Variants in DLGAP1 observed in about 807,000 individuals in gnomAD.
DLGAP1 encodes the protein disks large-associated protein 1.
DLGAP1 carries 11 observed loss-of-function variants against 90.8 expected under a neutral mutation model. The observed-to-expected ratio is 0.12, with a 90% confidence interval of 0.08 to 0.20. DLGAP1 has a LOEUF of 0.20. Among genes scored for constraint, DLGAP1 ranks in the 10% least tolerant of loss-of-function variants. The pLI, the probability that DLGAP1 is intolerant of heterozygous loss-of-function variation, is 1.00. For synonymous variants in DLGAP1, 558 were observed against 540.7 expected (o/e 1.03, Z -0.44); for missense variants, 1,050 against 1,333.8 (o/e 0.79, Z 3.31).
chr18:3,789,451 A>G (rs536860835), intron 5 of DLGAP1, among the ~76,000 whole-genome samples: 1 of 152,358 alleles, frequency 6.6e-6, no homozygotes, highest in African/African-American at 2.4e-5. Context: ...TTTGGGGGTT[A>G]AAGTCAAGCA....
At chr18:4,437,978 G>A (rs1172738055) in intron 1 of DLGAP1, among the ~76,000 whole-genome samples, 1 of 152,148 alleles carries the variant, frequency 6.6e-6, no homozygotes, top group Non-Finnish European at 1.5e-5. Context: ...ACTTAATATA[G>A]TTGGAGGTTA....
intron 1 of DLGAP1, among the ~76,000 whole-genome samples, chr18:4,279,553 T>G (rs2079501029): frequency 2.6e-5 from 4 of 152,212 alleles, no homozygotes; most frequent in African/African-American, 9.6e-5. Context: ...TTCAAAGCTG[T>G]AGGTAAAACA....
At chr18:3,928,089 C>T (rs925004780) in intron 3 of DLGAP1, among the ~76,000 whole-genome samples, 14 of 152,190 alleles carry the variant, frequency 9.2e-5, no homozygotes, top group African/African-American at 2.7e-4. Context: ...TTCCTCCGCT[C>T]GCCATCCACA....
At chr18:4,139,891 T>A (rs1281094391) in intron 2 of DLGAP1, among the ~76,000 whole-genome samples, 1 of 151,990 alleles carries the variant, frequency 6.6e-6, no homozygotes, top group East Asian at 1.9e-4. Flanking sequence ...TAGAGCTTTT[T>A]GTCTTGAAAG....
intron 5 of DLGAP1, among the ~76,000 whole-genome samples, chr18:3,743,656 T>G (rs143558065): frequency 0.061 from 9,207 of 151,546 alleles, 909 homozygotes; most frequent in African/African-American, 0.2. Context: ...GCCCGGCCTT[T>G]ATTTTAATTT....
At chr18:4,239,489 C>A (rs1055291268) in intron 1 of DLGAP1, among the ~76,000 whole-genome samples, 1 of 152,052 alleles carries the variant, frequency 6.6e-6, no homozygotes, top group African/African-American at 2.4e-5. Context: ...TAGTTATGTA[C>A]TCAGAAGGTC....
chr18:3,815,622 T>C (rs1402758372), intron 4 of DLGAP1, among the ~76,000 whole-genome samples: 1 of 152,162 alleles, frequency 6.6e-6, no homozygotes, highest in Non-Finnish European at 1.5e-5. Context: ...TCCACAGTCA[T>C]TTTTTCTGAG....
chr18:4,258,521 G>T (rs1456377552), intron 1 of DLGAP1, among the ~76,000 whole-genome samples: 1 of 150,074 alleles, frequency 6.7e-6, no homozygotes, highest in Admixed American at 6.6e-5. Context: ...GTGCTTATGT[G>T]AAAAATACAA....
At chr18:3,634,478 A>G (rs1449844437) in intron 7 of DLGAP1, among the ~76,000 whole-genome samples, 1 of 152,134 alleles carries the variant, frequency 6.6e-6, no homozygotes, top group Admixed American at 6.6e-5. Flanking sequence ...TCACTGGTTG[A>G]TCATCTTGCT....
At chr18:4,032,476 T>C (rs1263543088) in intron 2 of DLGAP1, among the ~76,000 whole-genome samples, 1 of 152,216 alleles carries the variant, frequency 6.6e-6, no homozygotes, top group Non-Finnish European at 1.5e-5. Flanking sequence ...ATAACAAAGC[T>C]AAGTCCAGGT....
At position 3,499,353 on chromosome 18, in the gene DLGAP1, C is replaced by T; in HGVS notation, c.2766G>A (p.Lys922=). ...GCTCCCGGATCAGCGGCGCGGGGCC[C>T]TTCGCCGGCTTCTTTGGCACTGGAG... The part of the protein sequence containing the change: ...APPPVPKKPA[K]GPAPLIRERS... The change falls in exon 13 of 13, where the codon AAG becomes AAA. Residue 922 remains lysine, a synonymous_variant. Transcript: ENST00000315677. The surrounding 1 kb of genome is among the most constrained non-coding windows in gnomAD (Gnocchi z 6.4). 6.4e-7 allele frequency: 1 copy of T among 1,552,730 alleles called. No homozygotes were observed. Among genetic ancestry groups the T allele is most frequent in the Non-Finnish European group, 8.7e-7 (1 of 1,148,834 alleles).
At chr18:4,229,390 C>G (rs996712239) in intron 1 of DLGAP1, among the ~76,000 whole-genome samples, 14 of 151,956 alleles carry the variant, frequency 9.2e-5, no homozygotes, top group Admixed American at 9.2e-4. Flanking sequence ...GCAAAAGGAA[C>G]AAAACTGGAA....
At chr18:3,503,290 G>A (rs2050043284) in intron 11 of DLGAP1, among the ~76,000 whole-genome samples, 1 of 152,188 alleles carries the variant, frequency 6.6e-6, no homozygotes, top group Non-Finnish European at 1.5e-5. Context: ...TATAGCAAAT[G>A]TGAGAACACA....
chr18:4,368,616 A>ATC (rs1344478475), intron 1 of DLGAP1, among the ~76,000 whole-genome samples: 2 of 132,776 alleles, frequency 1.5e-5, no homozygotes, highest in African/African-American at 2.9e-5. Flanking sequence ...ATTCTTTAAA[A>ATC]TCTCTCTCTC....
intron 1 of DLGAP1, among the ~76,000 whole-genome samples, chr18:4,197,127 C>T (rs1389909820): frequency 5.0e-5 from 7 of 141,328 alleles, no homozygotes; most frequent in Admixed American, 1.5e-4. Flanking sequence ...GAGCTGAGAT[C>T]GTGCCATTGC....
intron 1 of DLGAP1, among the ~76,000 whole-genome samples, chr18:4,230,578 T>TA (rs1024117300): frequency 6.6e-6 from 1 of 151,544 alleles, no homozygotes; most frequent in African/African-American, 2.4e-5. Context: ...GAGCTAAAAT[T>TA]AAAACACTTG....
intron 7 of DLGAP1, among the ~76,000 whole-genome samples, chr18:3,627,514 C>T (rs1044292349): frequency 2.6e-5 from 4 of 151,962 alleles, no homozygotes; most frequent in Non-Finnish European, 4.4e-5. Flanking sequence ...CAGTCCTACA[C>T]GCTATCCGGA....
At chr18:3,733,624 C>A (rs1383484255) in intron 6 of DLGAP1, among the ~76,000 whole-genome samples, 2 of 152,088 alleles carry the variant, frequency 1.3e-5, no homozygotes, top group South Asian at 2.1e-4. Context: ...GGGATGTAAT[C>A]CCGTTGTAAG....
chr18:4,233,130 CAT>C (rs1441464513), intron 1 of DLGAP1, among the ~76,000 whole-genome samples: 2 of 152,212 alleles, frequency 1.3e-5, no homozygotes, highest in African/African-American at 2.4e-5. Context: ...TAACATTCTA[CAT>C]GATCAAATCA....
Sources: allele counts gnomAD v4.1 joint callset (sites outside exome capture counted in the v4.1 genomes callset), GRCh38; gene constraint gnomAD v4.1.1; non-coding constraint Gnocchi (gnomAD v3.1); transcripts MANE v1.5; gene names NCBI Gene and HGNC (gene_info 2026-07-23, HGNC 2026-07-21).